Variants in FOXI1 observed in about 807,000 individuals in gnomAD.
The protein encoded by FOXI1 is forkhead box I1.
Under a neutral mutation model 16.4 loss-of-function variants are expected in FOXI1, and 11 were observed. The observed-to-expected ratio is 0.67, with a 90% CI of 0.42 to 1.11. The LOEUF is 1.11. Ranked by LOEUF, FOXI1 falls within the 50% of genes least tolerant of loss-of-function variation. FOXI1 has a pLI of 0.00. For synonymous variants in FOXI1, 218 were observed against 211.5 expected, an observed-to-expected ratio of 1.03 and a Z score of -0.27; for missense variants, 480 against 506.1, an observed-to-expected ratio of 0.95 and a Z score of 0.49.
Position 170,108,168 on chromosome 5 carries a change from G to A in FOXI1, c.694G>A (p.Glu232Lys). ...VSSSTASLAL[E>K]KTESSLPVDS... ...CTCTAGCACAGCCTCCTTGGCCTTA[G>A]AGAAGACAGAGAGCAGTCTCCCGGT... Residue 232 changes from glutamate (E) to lysine (K), a missense_variant, in exon 2 of 2, where the codon GAG (glutamate) becomes AAG (lysine). Physicochemically the swap from Glu to Lys is moderately conservative, Grantham distance 56. Transcript: ENST00000306268. The A allele has an allele frequency of 1.9e-6, 3 of 1,614,192 alleles. No individual in the cohort carries two copies. The highest frequency in any genetic ancestry group is 2.5e-6 in the Non-Finnish European group (3 of 1,180,018).
chr5:170,108,683 A>G lies in FOXI1; in HGVS notation c.*72A>G. Reference sequence around the variant, plus strand: ...AGTAGAGGTCCTCCATGCCAGCCCCACGGTGGTCCATGACTGCGGAACTGC... The same window carrying G: ...AGTAGAGGTCCTCCATGCCAGCCCCGCGGTGGTCCATGACTGCGGAACTGC... On this transcript the variant is annotated 3_prime_UTR_variant, in exon 2 of 2. Transcript: ENST00000306268. 1 of 1,217,142 alleles carries G rather than the reference A, an allele frequency of 8.2e-7. No homozygotes were observed. The highest frequency in any genetic ancestry group is 1.2e-6 in the Non-Finnish European group (1 of 819,762). The allele number at this position is 1,217,142 out of a possible 1,614,324, so 75.4% of individuals were successfully genotyped here. A position where few individuals can be genotyped will look rare whatever the true frequency, so the allele number is the denominator to read the frequency against.
chr5:170,107,541 T>C (rs7380481), intron 1 of FOXI1, among the ~76,000 whole-genome samples: 42,072 of 152,112 alleles, frequency 0.28, 6,414 homozygotes, highest in Non-Finnish European at 0.34. Flanking sequence ...TGTGGATCCT[T>C]TCTCAGTGGG....
rs1438318544 is a variant in FOXI1 at position 170,106,378 on chromosome 5, G to A, written c.421G>A (p.Asp141Asn). 1.9e-6 allele frequency: 3 copies of A among 1,613,750 alleles called. No individual in the cohort carries two copies. Among genetic ancestry groups the A allele is most frequent in the Non-Finnish European group, 2.5e-6 (3 of 1,179,794 alleles). Residue 141 changes from aspartate (D) to asparagine (N), a missense_variant, in exon 1 of 2, where the codon GAC becomes AAC. By Grantham distance (23) the Asp-to-Asn change is conservative. Around this residue, in one of 3 missense-constraint regions of FOXI1, gnomAD observed 219 missense variants for 222.9 expected, o/e 0.98. Coordinates refer to ENST00000306268, the MANE Select transcript of FOXI1 (RefSeq NM_012188.5). ...LIAMAIHGAP[D>N]KRLTLSQIYQ... ...CGCCATGGCCATCCACGGGGCACCC[G>A]ACAAGCGCCTCACTCTCAGCCAGAT... is the stretch of plus-strand genomic sequence containing the variant.
chr5:170,107,631 C>T (rs376271293), intron 1 of FOXI1, among the ~76,000 whole-genome samples: 1 of 152,226 alleles, frequency 6.6e-6, no homozygotes, highest in East Asian at 1.9e-4. Flanking sequence ...CAGTGAGGAG[C>T]AAAGCCAGGA....
In FOXI1 at chr5:170,106,452, C is replaced by G. The variant is rs764273040; in HGVS notation, c.495C>G (p.Ala165=). The change falls in exon 1 of 2, where the codon GCC becomes GCG. Residue 165 remains alanine (A), a synonymous_variant. Coordinates refer to ENST00000306268, the MANE Select transcript of FOXI1 (RefSeq NM_012188.5). ...DNFPFYNKSK[A]GWQNSIRHNL... Reference sequence around the variant, plus strand: ...TCCCCTTCTACAACAAGAGCAAGGCCGGCTGGCAGAACTCCATCCGCCACA... The same window carrying G: ...TCCCCTTCTACAACAAGAGCAAGGCGGGCTGGCAGAACTCCATCCGCCACA... 5.0e-6 allele frequency: 8 copies of G among 1,614,124 alleles called. No individual in the cohort carries two copies. In the African/African-American group the frequency reaches 9.3e-5, roughly 19 times the overall value.
intron 1 of FOXI1, 46 bp downstream of exon 1, chr5:170,106,577 T>TG: frequency 6.2e-7 from 1 of 1,610,214 alleles, no homozygotes. Context: ...GAAGACTCAC[T>TG]TCCTTCCTCC....
chr5:170,106,246 C>G lies in FOXI1; in HGVS notation c.289C>G (p.Pro97Ala), dbSNP rs1303675973. 6.3e-7 allele frequency: 1 copy of G among 1,579,850 alleles called. No homozygotes were observed. The highest frequency in any genetic ancestry group is 2.4e-5 in the East Asian group (1 of 42,506). The change falls in exon 1 of 2, where the codon CCC (proline) becomes GCC (alanine). Residue 97 changes from proline (P) to alanine (A), a missense_variant. Pro to Ala is a conservative substitution (Grantham distance 27). Around this residue, in one of 3 missense-constraint regions of FOXI1, gnomAD observed 219 missense variants for 222.9 expected, o/e 0.98. Coordinates refer to ENST00000306268, the MANE Select transcript of FOXI1 (RefSeq NM_012188.5). Reference sequence around the variant, plus strand: ...CTATGGAGTGCAGAGGCCGCTGCTGCCCAGCGTGTCGGGGCTTGGGGGGAG... The same window carrying G: ...CTATGGAGTGCAGAGGCCGCTGCTGGCCAGCGTGTCGGGGCTTGGGGGGAG... ...QAYGVQRPLL[P>A]SVSGLGGSDL...
At position 170,106,298 on chromosome 5, in the gene FOXI1, C is replaced by G; in HGVS notation, c.341C>G (p.Ser114Trp). Residue 114 changes from serine (S) to tryptophan (W), a missense_variant, in exon 1 of 2, where the codon TCG becomes TGG. Around this residue, in one of 3 missense-constraint regions of FOXI1, gnomAD observed 219 missense variants for 222.9 expected, o/e 0.98. Transcript: ENST00000306268. Reference sequence around the variant, plus strand: ...GACCTGGGCTGGCTGCCCATCCCCTCGCAGGAGGAGCTGATGAAGCTGGTG... The same window carrying G: ...GACCTGGGCTGGCTGCCCATCCCCTGGCAGGAGGAGCTGATGAAGCTGGTG... ...GSDLGWLPIP[S>W]QEELMKLVRP... 1.3e-6 allele frequency: 2 copies of G among 1,587,834 alleles called. No individual in the cohort carries two copies. The highest frequency in any genetic ancestry group is 2.3e-5 in the South Asian group (2 of 87,998).
chr5:170,107,529 G>A (rs2879269), intron 1 of FOXI1, among the ~76,000 whole-genome samples: 139,268 of 152,204 alleles, frequency 0.92, 63,792 homozygotes, highest in East Asian at 0.99. Flanking sequence ...TTCCATATCC[G>A]GTGTGGATCC....
In FOXI1 at chr5:170,106,032, C is replaced by A. The variant is rs765516271; in HGVS notation, c.75C>A (p.Pro25=). The change falls in exon 1 of 2, where the codon CCC becomes CCA. Residue 25 remains proline, a synonymous_variant. Coordinates refer to ENST00000306268, the MANE Select transcript of FOXI1 (RefSeq NM_012188.5). ...AGTTCCCCAGCATCGGCCAGGAGCC[C>A]CCCGAGATGAACCTCTACTATGAGA... ...SPQFPSIGQE[P]PEMNLYYENF... 6.2e-7 allele frequency: 1 copy of A among 1,612,500 alleles called. No homozygotes were observed. The highest frequency in any genetic ancestry group is 2.2e-5 in the East Asian group (1 of 44,852).
At chr5:170,106,897 C>G (rs775945723) in intron 1 of FOXI1, 49 of 723,804 alleles carry the variant, frequency 6.8e-5, no homozygotes, top group Non-Finnish European at 7.1e-5. Context: ...GCAGTAATTA[C>G]GATTCATCTG....
Position 170,106,155 on chromosome 5 carries a change from C to A in FOXI1, c.198C>A (p.Asn66Lys), listed in dbSNP as rs778919285. The A allele has an allele frequency of 3.0e-5, 48 of 1,606,862 alleles. No individual in the cohort carries two copies. Among genetic ancestry groups the A allele is most frequent in the East Asian group, 4.5e-5 (2 of 44,650 alleles). The change falls in exon 1 of 2, where the codon AAC (asparagine) becomes AAA (lysine). Residue 66 changes from asparagine (N) to lysine (K), a missense_variant. Asn to Lys is a moderately conservative substitution (Grantham distance 94, BLOSUM62 0). Around this residue, in one of 3 missense-constraint regions of FOXI1, gnomAD observed 219 missense variants for 222.9 expected, o/e 0.98. Coordinates refer to ENST00000306268, the MANE Select transcript of FOXI1 (RefSeq NM_012188.5). ...CCCCCAACCCCTACCTCTGGTTCAA[C>A]GGGCCCACCATGACCCCGCCACCCT... ...GATPNPYLWF[N>K]GPTMTPPPYL...
At chr5:170,107,983 T>C (rs545871909) in intron 1 of FOXI1, 66 bp from the exon 2 acceptor site, 1 of 1,282,280 alleles carries the variant, frequency 7.8e-7, no homozygotes, top group Non-Finnish European at 1.1e-6. Flanking sequence ...TTTATGACAA[T>C]AAGGAGGAAC....
In FOXI1 at chr5:170,109,039, A is replaced by ATTGGAG. The variant is rs2113897779; in HGVS notation, c.*428_*429insTTGGAG. ...AAATCCAGGTCTATGTGATCCTCAGAGATTGGAGGCCGGGATGGAGAATTG... is the reference window on the plus strand; with the variant it reads ...AAATCCAGGTCTATGTGATCCTCAGATTGGAGGATTGGAGGCCGGGATGGAGAATTG... On this transcript the variant is annotated 3_prime_UTR_variant, in exon 2 of 2. Transcript: ENST00000306268. The ATTGGAG allele has an allele frequency of 6.1e-6, 1 of 165,160 alleles. No individual in the cohort carries two copies. Among genetic ancestry groups the ATTGGAG allele is most frequent in the Admixed American group, 6.1e-5 (1 of 16,456 alleles). 10.2% of individuals were successfully genotyped at this position (165,160 alleles called of 1,614,324 possible).
At position 170,106,377 on chromosome 5, in the gene FOXI1, C is replaced by T. The variant is rs772507619; in HGVS notation, c.420C>T (p.Pro140=). ...TCGCCATGGCCATCCACGGGGCACC[C>T]GACAAGCGCCTCACTCTCAGCCAGA... ...ALIAMAIHGA[P]DKRLTLSQIY... Residue 140 remains proline, a synonymous_variant, in exon 1 of 2, where the codon CCC becomes CCT. Coordinates refer to ENST00000306268, the MANE Select transcript of FOXI1 (RefSeq NM_012188.5). 2.4e-5 allele frequency: 38 copies of T among 1,613,716 alleles called. No individual in the cohort carries two copies. Among genetic ancestry groups the T allele is most frequent in the Non-Finnish European group, 3.1e-5 (37 of 1,179,798 alleles).
rs774459310 is a variant in FOXI1 at position 170,108,241 on chromosome 5, C to T, written c.767C>T (p.Ser256Leu). The T allele has an allele frequency of 6.2e-7, 1 of 1,614,188 alleles. No individual in the cohort carries two copies. Among genetic ancestry groups the T allele is most frequent in the South Asian group, 1.1e-5 (1 of 91,090 alleles). The change falls in exon 2 of 2, where the codon TCA (serine) becomes TTA (leucine). Residue 256 changes from serine (S) to leucine (L), a missense_variant. By Grantham distance (145) the Ser-to-Leu change is moderately radical. Around this residue, in one of 3 missense-constraint regions of FOXI1, gnomAD observed 257 missense variants for 262.2 expected, o/e 0.98. Coordinates refer to ENST00000306268, the MANE Select transcript of FOXI1 (RefSeq NM_012188.5). ...CCTCAGGACATCTTGGATGGAGCCT[C>T]ACCAGGGGGCACCACCAGCTCCCCA... is the stretch of plus-strand genomic sequence containing the variant. Reference protein sequence around the residue: ...TEPQDILDGASPGGTTSSPEK... With the variant: ...TEPQDILDGALPGGTTSSPEK...
In FOXI1 at chr5:170,108,588, C is replaced by T; in HGVS notation, c.1114C>T (p.Pro372Ser). 2.5e-6 allele frequency: 4 copies of T among 1,613,148 alleles called. No individual in the cohort carries two copies. The highest frequency in any genetic ancestry group is 3.3e-4 in the Middle Eastern group (2 of 6,062). Residue 372 changes from proline (P) to serine (S), a missense_variant, in exon 2 of 2, where the codon CCC becomes TCC. By Grantham distance (74) the Pro-to-Ser change is moderately conservative. Around this residue, in one of 3 missense-constraint regions of FOXI1, gnomAD observed 257 missense variants for 262.2 expected, o/e 0.98. Coordinates refer to ENST00000306268, the MANE Select transcript of FOXI1 (RefSeq NM_012188.5). ...TGTCAACACCAGTGGTGTCCTCTAC[C>T]CCAGGGAGGGCACCGAGGTCTAGGT... ...NSVNTSGVLY[P>S]REGTEV is the part of the protein sequence containing the mutation.
intron 1 of FOXI1, among the ~76,000 whole-genome samples, chr5:170,107,731 T>TCCAACCC (rs1758534207): frequency 6.6e-6 from 1 of 152,208 alleles, no homozygotes; most frequent in Non-Finnish European, 1.5e-5. Context: ...TTGAAAGCCC[T>TCCAACCC]CCAACCCCCA....
rs781201414 is a variant in FOXI1 at position 170,105,981 on chromosome 5, G to T, written c.24G>T (p.Ala8=). MSSFDLP[A]PSPPRCSPQF... ...GCATGAGCTCCTTCGACCTGCCGGC[G>T]CCCTCCCCACCTCGCTGCAGCCCCC... is the stretch of plus-strand genomic sequence containing the variant. The change falls in exon 1 of 2, where the codon GCG becomes GCT. Residue 8 remains alanine, a synonymous_variant. Coordinates refer to ENST00000306268, the MANE Select transcript of FOXI1 (RefSeq NM_012188.5). The T allele has an allele frequency of 1.2e-6, 2 of 1,610,672 alleles. No individual in the cohort carries two copies. The highest frequency in any genetic ancestry group is 1.7e-6 in the Non-Finnish European group (2 of 1,177,668).
Sources: allele counts gnomAD v4.1 joint callset (sites outside exome capture counted in the v4.1 genomes callset), GRCh38; gene constraint gnomAD v4.1.1; regional missense constraint gnomAD v4.1.1; transcripts MANE v1.5; gene names NCBI Gene and HGNC (gene_info 2026-07-23, HGNC 2026-07-21).